The following ZBTB40 variants were observed in gnomAD, a reference collection of about 807,000 sequenced individuals.
The protein encoded by ZBTB40 is zinc finger and BTB domain-containing protein 40.
ZBTB40 carries 60 observed loss-of-function variants against 117.5 expected under a neutral mutation model. The observed-to-expected ratio is 0.51, with a 90% confidence interval of 0.41 to 0.63. ZBTB40 has a LOEUF of 0.63. Among genes scored for constraint, ZBTB40 ranks in the 30% least tolerant of loss-of-function variants. The probability of loss-of-function intolerance (pLI) is 0.00; values close to 1 mark genes in which losing one functional copy is unlikely to be tolerated. For synonymous variants in ZBTB40, 525 were observed against 577.1 expected, an observed-to-expected ratio of 0.91 and a Z score of 1.29; for missense variants, 1,287 against 1,498.5, an observed-to-expected ratio of 0.86 and a Z score of 2.33.
intron 1 of ZBTB40, among the ~76,000 whole-genome samples, chr1:22,452,315 C>T (rs1050326243): frequency 6.6e-6 from 1 of 152,206 alleles, no homozygotes; most frequent in Non-Finnish European, 1.5e-5. Flanking sequence ...CGTCCGGAGG[C>T]CTCTTGTCGC....
chr1:22,465,784 G>A (rs1641240753), intron 1 of ZBTB40, among the ~76,000 whole-genome samples: 1 of 152,102 alleles, frequency 6.6e-6, no homozygotes, highest in African/African-American at 2.4e-5. Flanking sequence ...CCCATGGGGG[G>A]CAGGGCTTCT....
chr1:22,482,048 A>C (rs1203275942), intron 1 of ZBTB40, among the ~76,000 whole-genome samples: 3 of 152,002 alleles, frequency 2.0e-5, no homozygotes, highest in Non-Finnish European at 4.4e-5. Flanking sequence ...CGCCTACTAG[A>C]GCTACTTCTA....
chr1:22,521,754 G>C, intron 15 of ZBTB40, 96 bp downstream of exon 15: 1 of 1,548,080 alleles, frequency 6.5e-7, no homozygotes, highest in Non-Finnish European at 8.9e-7. Flanking sequence ...AGTCTAGTGT[G>C]ATGTGCAGTG....
upstream of ZBTB40, among the ~76,000 whole-genome samples, chr1:22,449,669 TATA>T (rs1640832265): frequency 6.6e-6 from 1 of 152,222 alleles, no homozygotes. Context: ...CTAAATATTT[TATA>T]ATAAGCATGT....
In ZBTB40 at chr1:22,468,738, A is replaced by ATCC. The variant is rs575273768; in HGVS notation, c.-70+16739_-70+16741dup. ...GATCTCGAACTCCTGGGCTCAAGTAATCCTCCTGCCTTGGCCTCCCAAAAT... is the reference window on the plus strand; with the variant it reads ...GATCTCGAACTCCTGGGCTCAAGTAATCCTCCTCCTGCCTTGGCCTCCCAAAAT... On this transcript the variant is annotated intron_variant, in intron 1 of 17. Coordinates refer to ENST00000375647, the MANE Select transcript of ZBTB40 (RefSeq NM_014870.4). Among the ~76,000 whole-genome samples, 477 of 146,458 alleles carry ATCC rather than the reference A, an allele frequency of 3.3e-3. 3 individuals are homozygous for ATCC. The highest frequency in any genetic ancestry group is 0.011 in the African/African-American group (453 of 39,594).
intron 3 of ZBTB40, among the ~76,000 whole-genome samples, chr1:22,494,147 A>G (rs80211422): frequency 6.6e-6 from 1 of 152,246 alleles, no homozygotes; most frequent in Non-Finnish European, 1.5e-5. Context: ...GACCTAACAG[A>G]CCTTGAAACC....
chr1:22,511,698 A>T lies in ZBTB40; in HGVS notation c.2025A>T (p.Gly675=). Residue 675 remains glycine, a synonymous_variant, in exon 11 of 18, where the codon GGA becomes GGT. Coordinates refer to ENST00000375647, the MANE Select transcript of ZBTB40 (RefSeq NM_014870.4). ...CAGGTGTCCTTACTAAGGAAGATGG[A>T]GAGAAGGAAACGTGGAAGGTGAGTA... ...AYIGVLTKED[G]EKETWKVSNK... The T allele has an allele frequency of 6.2e-7, 1 of 1,610,104 alleles. No homozygotes were observed. The highest frequency in any genetic ancestry group is 8.5e-7 in the Non-Finnish European group (1 of 1,178,984).
At chr1:22,516,514 CCTCAATAATTT>C (rs1260942765) in intron 12 of ZBTB40, among the ~76,000 whole-genome samples, 1 of 152,136 alleles carries the variant, frequency 6.6e-6, no homozygotes, top group East Asian at 1.9e-4. Context: ...GCCCCAGGCT[CCTCAATAATTT>C]CACCTCTCCA....
At chr1:22,487,579 C>T (rs1638504145) in intron 1 of ZBTB40, among the ~76,000 whole-genome samples, 1 of 152,048 alleles carries the variant, frequency 6.6e-6, no homozygotes. Context: ...TCCATTCAGT[C>T]CCTAAGTCAT....
At chr1:22,509,865 A>G (rs1050682347) in intron 9 of ZBTB40, among the ~76,000 whole-genome samples, 1 of 152,130 alleles carries the variant, frequency 6.6e-6, no homozygotes, top group Non-Finnish European at 1.5e-5. Flanking sequence ...AATTTATTCC[A>G]TTTATCTAAA....
At chr1:22,498,237 A>G (rs1235143520) in intron 3 of ZBTB40, among the ~76,000 whole-genome samples, 2 of 152,236 alleles carry the variant, frequency 1.3e-5, no homozygotes, top group African/African-American at 4.8e-5. Context: ...ATGTATGGTT[A>G]AAGAACTTAG....
chr1:22,434,837 G>T (rs923512610), intron 1 of ZBTB40, among the ~76,000 whole-genome samples: 1 of 151,942 alleles, frequency 6.6e-6, no homozygotes, highest in Non-Finnish European at 1.5e-5. Flanking sequence ...GGCAGGGCTG[G>T]CTCTCCACAT....
chr1:22,475,634 GT>G lies in ZBTB40; in HGVS notation c.-69-14239del, dbSNP rs564199590. Among the ~76,000 whole-genome samples the G allele has an allele frequency of 1.1e-4, 17 of 152,236 alleles. No individual in the cohort carries two copies. The South Asian group carries it at 3.3e-3, about 30-fold the overall frequency. Reference sequence around the variant, plus strand: ...CCTTGCCACTCACTGGGATTAATCTGTTTTTTTCTTCTCTCCTTTTCTTCCT... The same window carrying G: ...CCTTGCCACTCACTGGGATTAATCTGTTTTTTCTTCTCTCCTTTTCTTCCT... On this transcript the variant is annotated intron_variant, in intron 1 of 17. Transcript: ENST00000375647.
chr1:22,450,752 G>T (rs1010432961), upstream of ZBTB40, among the ~76,000 whole-genome samples: 1 of 152,238 alleles, frequency 6.6e-6, no homozygotes, highest in Non-Finnish European at 1.5e-5. Flanking sequence ...CTGCCCAGTA[G>T]ATTGAATTTG....
chr1:22,509,209 G>T lies in ZBTB40; in HGVS notation c.1809G>T (p.Glu603Asp). The change falls in exon 9 of 18, where the codon GAG becomes GAT. Residue 603 changes from glutamate to aspartate, a missense_variant. By Grantham distance (45) the Glu-to-Asp change is conservative. Transcript: ENST00000375647. Reference sequence around the variant, plus strand: ...ACAAGCTCTTTACCTCGGAGGAGGAGCACCTGGCAGAGACTGTGAAAGAGG... The same window carrying T: ...ACAAGCTCTTTACCTCGGAGGAGGATCACCTGGCAGAGACTGTGAAAGAGG... ...IEYKLFTSEE[E>D]HLAETVKEIL... 6.2e-7 allele frequency: 1 copy of T among 1,614,206 alleles called. No homozygotes were observed. Among genetic ancestry groups the T allele is most frequent in the East Asian group, 2.2e-5 (1 of 44,882 alleles).
chr1:22,475,046 G>A (rs1311354593), intron 1 of ZBTB40, among the ~76,000 whole-genome samples: 1 of 151,944 alleles, frequency 6.6e-6, no homozygotes, highest in Non-Finnish European at 1.5e-5. Flanking sequence ...GAATTGTTAG[G>A]GGAGACAGAA....
At chr1:22,518,731 C>T (rs1025582133) in intron 13 of ZBTB40, among the ~76,000 whole-genome samples, 3 of 152,200 alleles carry the variant, frequency 2.0e-5, no homozygotes, top group Non-Finnish European at 4.4e-5. Context: ...GTGGCCCTTT[C>T]CCTCCAAGCA....
intron 1 of ZBTB40, among the ~76,000 whole-genome samples, chr1:22,479,788 G>A (rs1011380): frequency 0.72 from 109,756 of 152,072 alleles, 40,881 homozygotes; most frequent in East Asian, 0.9. Context: ...CTTTTTAACT[G>A]CTACCTTATA....
At chr1:22,471,565 T>C (rs1641404266) in intron 1 of ZBTB40, among the ~76,000 whole-genome samples, 2 of 152,238 alleles carry the variant, frequency 1.3e-5, no homozygotes, top group Admixed American at 1.3e-4. Flanking sequence ...TGAGAAAGTG[T>C]GTGGAACGTG....
Sources: gnomAD v4.1 joint callset for allele counts (sites outside exome capture counted in the v4.1 genomes callset) on GRCh38, gnomAD v4.1.1 for gene constraint, MANE v1.5 for transcripts, NCBI Gene and HGNC (gene_info 2026-07-23, HGNC 2026-07-21) for gene names.